Variants in C17orf67 observed in about 807,000 individuals in gnomAD.
The protein encoded by C17orf67 is uncharacterized protein C17orf67.
A neutral mutation model predicts 11.2 loss-of-function variants in C17orf67; 12 were observed. That is an observed-to-expected ratio of 1.07 (90% CI 0.68 to 1.73). The LOEUF (loss-of-function observed/expected upper bound fraction) is 1.73. Ranked by LOEUF, C17orf67 falls within the 40% of genes most tolerant of loss-of-function variation. The pLI, the probability that C17orf67 is intolerant of heterozygous loss-of-function variation, is 0.00. For synonymous variants in C17orf67, 59 were observed against 46.9 expected (o/e 1.26, Z -1.05); for missense variants, 115 against 113.5 (o/e 1.01, Z -0.06).
chr17:56,806,463 T>G (rs559276544), intron 6 of C17orf67, among the ~76,000 whole-genome samples: 1 of 152,340 alleles, frequency 6.6e-6, no homozygotes, highest in East Asian at 1.9e-4. Flanking sequence ...TGATTACCTC[T>G]CTAGATCTTC....
intron 6 of C17orf67, among the ~76,000 whole-genome samples, chr17:56,797,556 C>A (rs958270271): frequency 6.6e-6 from 1 of 152,100 alleles, no homozygotes; most frequent in Admixed American, 6.5e-5. Context: ...GGGGTCAGGG[C>A]AGAGAAAAAC....
At chr17:56,810,002 C>T (rs949015409) in intron 6 of C17orf67, among the ~76,000 whole-genome samples, 1 of 147,758 alleles carries the variant, frequency 6.8e-6, no homozygotes, top group African/African-American at 2.5e-5. Context: ...CACACACACA[C>T]CCCAGACATC....
chr17:56,810,845 C>T (rs900084098), intron 6 of C17orf67, among the ~76,000 whole-genome samples: 1 of 152,252 alleles, frequency 6.6e-6, no homozygotes, highest in African/African-American at 2.4e-5. Context: ...ATCATTTTGA[C>T]AGTCACAGTT....
At chr17:56,796,707 G>A (rs1445778316) in intron 6 of C17orf67, among the ~76,000 whole-genome samples, 2 of 151,982 alleles carry the variant, frequency 1.3e-5, no homozygotes, top group African/African-American at 2.4e-5. Flanking sequence ...GCCCTCCCTC[G>A]TCTCTGCCAC....
intron 2 of C17orf67, among the ~76,000 whole-genome samples, chr17:56,827,198 G>A (rs1906061425): frequency 6.6e-6 from 1 of 152,238 alleles, no homozygotes; most frequent in East Asian, 1.9e-4. Context: ...GGAGGCTGAA[G>A]GTCATAGATA....
intron 6 of C17orf67, among the ~76,000 whole-genome samples, chr17:56,802,071 T>C (rs1905335673): frequency 6.6e-6 from 1 of 152,214 alleles, no homozygotes; most frequent in South Asian, 2.1e-4. Flanking sequence ...CTTCCTTGGG[T>C]TAGATACTAA....
chr17:56,820,972 C>G (rs1270340564), intron 4 of C17orf67, among the ~76,000 whole-genome samples: 4 of 152,110 alleles, frequency 2.6e-5, no homozygotes, highest in South Asian at 4.1e-4. Context: ...TGCAGTGGCA[C>G]AAGCATAGCT....
intron 4 of C17orf67, among the ~76,000 whole-genome samples, chr17:56,820,941 G>A (rs1054572700): frequency 5.3e-5 from 8 of 152,088 alleles, no homozygotes; most frequent in South Asian, 4.2e-4. Flanking sequence ...AGAGGGTCTT[G>A]CTCTGTCGCC....
At chr17:56,808,691 T>G (rs927338124) in intron 6 of C17orf67, among the ~76,000 whole-genome samples, 6 of 152,346 alleles carry the variant, frequency 3.9e-5, no homozygotes, top group African/African-American at 1.4e-4. Flanking sequence ...GCAGGATCTA[T>G]GTCAAACAGT....
intron 6 of C17orf67, among the ~76,000 whole-genome samples, chr17:56,811,441 TTCCCA>T (rs1905622460): frequency 2.0e-5 from 3 of 151,844 alleles, no homozygotes; most frequent in Admixed American, 6.6e-5. Flanking sequence ...CTGGGAAGCC[TTCCCA>T]GCCTCCCCTT....
chr17:56,802,169 G>A (rs146933157), intron 6 of C17orf67, among the ~76,000 whole-genome samples: 1 of 152,188 alleles, frequency 6.6e-6, no homozygotes, highest in African/African-American at 2.4e-5. Context: ...TCGCCTGGCC[G>A]TGGGACCCAG....
chr17:56,832,319 G>C (rs893659033), intron 2 of C17orf67, among the ~76,000 whole-genome samples: 2 of 152,130 alleles, frequency 1.3e-5, no homozygotes, highest in African/African-American at 2.4e-5. Context: ...ATCTTCCTGG[G>C]AAAGCTGCCA....
intron 6 of C17orf67, among the ~76,000 whole-genome samples, chr17:56,798,700 G>A (rs894470938): frequency 1.3e-5 from 2 of 152,016 alleles, no homozygotes; most frequent in Non-Finnish European, 2.9e-5. Flanking sequence ...AGATGTGGTG[G>A]TGCATGCCTG....
At chr17:56,815,671 T>C in intron 5 of C17orf67, 85 bp downstream of exon 5, 2 of 1,197,318 alleles carry the variant, frequency 1.7e-6, no homozygotes, top group Non-Finnish European at 2.2e-6. Flanking sequence ...CTATATATTA[T>C]TTAAAATTAA....
intron 6 of C17orf67, among the ~76,000 whole-genome samples, chr17:56,813,912 A>G (rs1229740728): frequency 6.6e-6 from 1 of 152,116 alleles, no homozygotes; most frequent in Non-Finnish European, 1.5e-5. Context: ...ATGTGAAGAA[A>G]CTTCCCCAAA....
intron 4 of C17orf67, among the ~76,000 whole-genome samples, chr17:56,818,761 C>CT (rs915259027): frequency 1.3e-5 from 2 of 151,946 alleles, no homozygotes; most frequent in Admixed American, 6.6e-5. Flanking sequence ...GATTTTATGC[C>CT]TTTTTTTGTA....
intron 4 of C17orf67, among the ~76,000 whole-genome samples, chr17:56,820,271 A>G (rs956271583): frequency 2.0e-5 from 3 of 152,200 alleles, no homozygotes; most frequent in Non-Finnish European, 2.9e-5. Context: ...AAGGCTATAC[A>G]TGTATTTAAG....
chr17:56,806,263 C>T (rs1905449876), intron 6 of C17orf67, among the ~76,000 whole-genome samples: 2 of 152,084 alleles, frequency 1.3e-5, no homozygotes, highest in South Asian at 2.1e-4. Flanking sequence ...CGTGAGCCAC[C>T]GCACCCGGCC....
At chr17:56,804,348 G>C (rs1182068824) in intron 6 of C17orf67, 1 of 152,122 alleles carries the variant, frequency 6.6e-6, no homozygotes, top group Non-Finnish European at 1.5e-5. Context: ...TGACATTTTT[G>C]CAGAATTAAA....
Sources: gnomAD v4.1 joint callset for allele counts (sites outside exome capture counted in the v4.1 genomes callset) on GRCh38, gnomAD v4.1.1 for gene constraint, MANE v1.5 for transcripts, NCBI Gene and HGNC (gene_info 2026-07-23, HGNC 2026-07-21) for gene names.